GHR: variants seen among roughly 807,000 people sequenced by gnomAD.
GHR encodes growth hormone receptor, also known as GH receptor.
A neutral mutation model predicts 67.1 loss-of-function variants in GHR; 35 were observed. The observed-to-expected ratio is 0.52, with a 90% CI of 0.40 to 0.69. GHR has a LOEUF of 0.69. GHR is among the 30% of genes least tolerant of loss of function. The pLI is 0.00. For missense variants in GHR, 792 were observed against 764.6 expected, an observed-to-expected ratio of 1.04 and a Z score of -0.42; for synonymous variants, 272 against 269.1, an observed-to-expected ratio of 1.01 and a Z score of -0.10.
chr5:42,558,556 T>G (rs1220836317), intron 1 of GHR, among the ~76,000 whole-genome samples: 2 of 152,242 alleles, frequency 1.3e-5, no homozygotes, highest in African/African-American at 2.4e-5. Context: ...AAAATCATGT[T>G]TTTATGACAT....
At chr5:42,582,057 A>G (rs1161408722) in intron 2 of GHR, among the ~76,000 whole-genome samples, 1 of 152,242 alleles carries the variant, frequency 6.6e-6, no homozygotes, top group Non-Finnish European at 1.5e-5. Context: ...CCTGGCACAT[A>G]GGCACTCTCT....
At chr5:42,664,280 C>T (rs1286638263) in intron 3 of GHR, among the ~76,000 whole-genome samples, 9 of 152,120 alleles carry the variant, frequency 5.9e-5, no homozygotes, top group Admixed American at 2.0e-4. Context: ...GAGCCTGCAT[C>T]GCCAAGTCAA....
At chr5:42,635,052 T>A (rs4394131) in intron 3 of GHR, among the ~76,000 whole-genome samples, 51,991 of 151,630 alleles carry the variant, frequency 0.34, 10,268 homozygotes, top group African/African-American at 0.55. Flanking sequence ...AGAGAGCAGA[T>A]TTGATACTGG....
chr5:42,457,028 G>A (rs1279533894), intron 1 of GHR, among the ~76,000 whole-genome samples: 1 of 152,140 alleles, frequency 6.6e-6, no homozygotes, highest in Non-Finnish European at 1.5e-5. Context: ...GGATGTGACT[G>A]GCTTTCCCTG....
At chr5:42,707,363 T>C (rs913192074) in intron 6 of GHR, among the ~76,000 whole-genome samples, 1 of 152,056 alleles carries the variant, frequency 6.6e-6, no homozygotes. Context: ...ATTTGCATAT[T>C]ACCATGAAAA....
chr5:42,698,621 T>G (rs532159088), intron 5 of GHR, among the ~76,000 whole-genome samples: 1 of 152,290 alleles, frequency 6.6e-6, no homozygotes, highest in African/African-American at 2.4e-5. Context: ...AGGCCTGTTT[T>G]CACTGTGGGT....
intron 1 of GHR, among the ~76,000 whole-genome samples, chr5:42,477,959 A>C (rs1745419193): frequency 6.6e-6 from 1 of 151,866 alleles, no homozygotes; most frequent in Admixed American, 6.6e-5. Flanking sequence ...GTCCTTGCCC[A>C]TGCCTATGTC....
intron 1 of GHR, among the ~76,000 whole-genome samples, chr5:42,440,508 A>G (rs951008369): frequency 2.6e-5 from 4 of 152,220 alleles, no homozygotes; most frequent in African/African-American, 9.6e-5. Flanking sequence ...GAAGCCAGAA[A>G]AGTAAGCAGG....
At chr5:42,467,809 C>T (rs1695689406) in intron 1 of GHR, 2 of 1,402,772 alleles carry the variant, frequency 1.4e-6, no homozygotes, top group South Asian at 2.6e-5. Context: ...ATGTAAAAGA[C>T]TTTCGCCCAA....
At chr5:42,713,852 T>C (rs930131318) in intron 8 of GHR, 5 of 290,682 alleles carry the variant, frequency 1.7e-5, no homozygotes, top group Non-Finnish European at 2.6e-5. Context: ...GACCCATTCA[T>C]TCCAGGACTT....
intron 2 of GHR, among the ~76,000 whole-genome samples, chr5:42,575,996 T>A (rs914073452): frequency 1.3e-5 from 2 of 149,396 alleles, no homozygotes; most frequent in African/African-American, 4.9e-5. Flanking sequence ...GTGGTGCCAC[T>A]GCACTCCAGC....
intron 3 of GHR, among the ~76,000 whole-genome samples, chr5:42,675,800 C>G (rs1243301955): frequency 1.3e-5 from 2 of 152,154 alleles, no homozygotes; most frequent in African/African-American, 2.4e-5. Context: ...ACCACATAAC[C>G]TCACCTGCCA....
At chr5:42,523,698 A>G (rs1374465059) in intron 1 of GHR, among the ~76,000 whole-genome samples, 3 of 152,160 alleles carry the variant, frequency 2.0e-5, no homozygotes, top group Admixed American at 6.5e-5. Context: ...ATAATGCTAC[A>G]ATGACCTCTA....
At chr5:42,434,876 G>A (rs1281997725) in intron 1 of GHR, among the ~76,000 whole-genome samples, 3 of 152,178 alleles carry the variant, frequency 2.0e-5, no homozygotes, top group South Asian at 2.1e-4. Flanking sequence ...TTTGGAAAGG[G>A]CATGGAGTAG....
chr5:42,482,610 G>C (rs373322302), intron 1 of GHR, among the ~76,000 whole-genome samples: 1 of 152,104 alleles, frequency 6.6e-6, no homozygotes, highest in African/African-American at 2.4e-5. Flanking sequence ...CCTCGCTGCC[G>C]CCTTGCAGTT....
Position 42,713,027 on chromosome 5 carries a change from A to G in GHR, c.785-402A>G, listed in dbSNP as rs181835196. 7.2e-3 allele frequency among the ~76,000 whole-genome samples: 1,091 copies of G among 150,674 alleles called. 6 individuals are homozygous for G. Among genetic ancestry groups the G allele is most frequent in the Non-Finnish European group, 9.9e-3 (671 of 67,500 alleles). On this transcript the variant is annotated intron_variant, in intron 7 of 9. Coordinates refer to ENST00000230882, the MANE Select transcript of GHR (RefSeq NM_000163.5). ...GGAAACTAAGAAAATCACCACACTT[A>G]AAAAAAAATAGAAAAGAAACCGAGT...
intron 1 of GHR, among the ~76,000 whole-genome samples, chr5:42,519,285 A>C (rs1747373724): frequency 6.6e-6 from 1 of 152,144 alleles, no homozygotes; most frequent in Non-Finnish European, 1.5e-5. Context: ...TTTTTCCTGA[A>C]TTATGGGAGA....
At chr5:42,671,400 A>T (rs1235221158) in intron 3 of GHR, among the ~76,000 whole-genome samples, 1 of 152,104 alleles carries the variant, frequency 6.6e-6, no homozygotes, top group African/African-American at 2.4e-5. Flanking sequence ...CACCCCCATG[A>T]TTCAAACACC....
At chr5:42,661,818 TAA>T (rs1755645778) in intron 3 of GHR, among the ~76,000 whole-genome samples, 1 of 152,110 alleles carries the variant, frequency 6.6e-6, no homozygotes, top group Non-Finnish European at 1.5e-5. Flanking sequence ...GCAAATTGGA[TAA>T]AGAGTCAAGA....
Sources: gnomAD v4.1 joint callset for allele counts (sites outside exome capture counted in the v4.1 genomes callset) on GRCh38, gnomAD v4.1.1 for gene constraint, MANE v1.5 for transcripts, NCBI Gene and HGNC (gene_info 2026-07-23, HGNC 2026-07-21) for gene names.